ADAM29: variants seen among roughly 807,000 people sequenced by gnomAD.
The protein encoded by ADAM29 is disintegrin and metalloproteinase domain-containing protein 29.
For missense variants in ADAM29, 969 were observed against 1,001.8 expected, an observed-to-expected ratio of 0.97 and a Z score of 0.44; for synonymous variants, 367 against 342.3, an observed-to-expected ratio of 1.07 and a Z score of -0.80.
At chr4:174,926,721 CAAAA>C (rs34308315) in intron 2 of ADAM29, among the ~76,000 whole-genome samples, 3 of 107,602 alleles carry the variant, frequency 2.8e-5, no homozygotes, top group African/African-American at 3.1e-5. Flanking sequence ...AGACCATGTC[CAAAA>C]AAAAAAAAAA....
Position 174,978,115 on chromosome 4 carries a change from A to T in ADAM29, c.*127A>T. The T allele has an allele frequency of 6.9e-7, 1 of 1,458,916 alleles. No individual in the cohort carries two copies. Among genetic ancestry groups the T allele is most frequent in the Admixed American group, 2.1e-5 (1 of 47,240 alleles). The allele number at this position is 1,458,916 out of a possible 1,614,324, so 90.4% of individuals were successfully genotyped here. A position where few individuals can be genotyped will look rare whatever the true frequency, so the allele number is the denominator to read the frequency against. The stretch of plus-strand genomic sequence containing the variant: ...TTACCGGAGTAAAAGTGGTAAACAA[A>T]AGCAATCAGTACCAATTCCAAAAAC... On this transcript the variant is annotated 3_prime_UTR_variant, in exon 5 of 5. Coordinates refer to ENST00000359240, the MANE Select transcript of ADAM29 (RefSeq NM_014269.4).
chr4:174,963,497 A>T (rs1256917989), intron 4 of ADAM29, among the ~76,000 whole-genome samples: 1 of 152,220 alleles, frequency 6.6e-6, no homozygotes, highest in Non-Finnish European at 1.5e-5. Flanking sequence ...CCTTAGCAAA[A>T]AAAAGAATGA....
At chr4:174,934,732 G>A (rs1245137247) in intron 3 of ADAM29, among the ~76,000 whole-genome samples, 5 of 152,148 alleles carry the variant, frequency 3.3e-5, no homozygotes, top group East Asian at 1.9e-4. Context: ...GCTGATGCAC[G>A]GATGGAATTG....
chr4:174,954,842 C>T lies in ADAM29; in HGVS notation c.-181+17829C>T, dbSNP rs1745406696. Among the ~76,000 whole-genome samples, 3 of 152,036 alleles carry T rather than the reference C, an allele frequency of 2.0e-5. No homozygotes were observed. The South Asian group carries it at 6.2e-4, about 31-fold the overall frequency. On this transcript the variant is annotated intron_variant, in intron 4 of 4. Transcript: ENST00000359240. ...GCTTGGATTAAATGTAATCATTTTGCTCCTATGTCTGTTTATTTTTAAATG... is the reference window on the plus strand; with the variant it reads ...GCTTGGATTAAATGTAATCATTTTGTTCCTATGTCTGTTTATTTTTAAATG...
chr4:174,969,111 C>A (rs1012358088), intron 4 of ADAM29, among the ~76,000 whole-genome samples: 1 of 151,666 alleles, frequency 6.6e-6, no homozygotes, highest in African/African-American at 2.4e-5. Context: ...TCTTATTTTC[C>A]AGTATTGGAA....
chr4:174,970,847 A>G (rs1477537629), intron 4 of ADAM29, among the ~76,000 whole-genome samples: 1 of 151,942 alleles, frequency 6.6e-6, no homozygotes, highest in Non-Finnish European at 1.5e-5. Context: ...TTCATTTCTG[A>G]TATTGAGTCT....
At chr4:174,933,170 T>C (rs1190515320) in intron 3 of ADAM29, among the ~76,000 whole-genome samples, 2 of 152,096 alleles carry the variant, frequency 1.3e-5, no homozygotes, top group African/African-American at 2.4e-5. Flanking sequence ...AACAAAAAGC[T>C]CTCTGCCTGA....
At chr4:174,965,533 C>A (rs913518512) in intron 4 of ADAM29, among the ~76,000 whole-genome samples, 1 of 150,438 alleles carries the variant, frequency 6.6e-6, no homozygotes, top group African/African-American at 2.5e-5. Context: ...CATCTATCAT[C>A]TATTTACTTA....
At chr4:174,963,741 G>A (rs1219079044) in intron 4 of ADAM29, among the ~76,000 whole-genome samples, 2 of 152,090 alleles carry the variant, frequency 1.3e-5, no homozygotes, top group African/African-American at 2.4e-5. Context: ...GGAGTGCAGT[G>A]GCACGATCTC....
chr4:174,976,474 A>C lies in ADAM29; in HGVS notation c.949A>C (p.Thr317Pro), dbSNP rs1746806286. ...CTPHRSCAIV[T>P]FMNKTLGTFS... Reference sequence around the variant, plus strand: ...ACCACACCGTAGTTGTGCAATTGTTACTTTCATGAACAAAACTTTGGGCAC... The same window carrying C: ...ACCACACCGTAGTTGTGCAATTGTTCCTTTCATGAACAAAACTTTGGGCAC... Residue 317 changes from threonine (T) to proline (P), a missense_variant, in exon 5 of 5, where the codon ACT (threonine) becomes CCT (proline). Physicochemically the swap from Thr to Pro is conservative, Grantham distance 38. Coordinates refer to ENST00000359240, the MANE Select transcript of ADAM29 (RefSeq NM_014269.4). 1 of 1,611,324 alleles carries C rather than the reference A, an allele frequency of 6.2e-7. No homozygotes were observed. Among genetic ancestry groups the C allele is most frequent in the Non-Finnish European group, 8.5e-7 (1 of 1,178,686 alleles).
intron 4 of ADAM29, among the ~76,000 whole-genome samples, chr4:174,937,664 C>T (rs1168849993): frequency 6.6e-6 from 1 of 151,938 alleles, no homozygotes; most frequent in Admixed American, 6.6e-5. Flanking sequence ...TTTACGTACC[C>T]TATTCGCCTG....
intron 4 of ADAM29, among the ~76,000 whole-genome samples, chr4:174,949,199 C>A (rs1745024127): frequency 2.6e-5 from 4 of 152,176 alleles, no homozygotes; most frequent in Admixed American, 2.6e-4. Flanking sequence ...CTCAGTCATG[C>A]CCTCATCCCA....
intron 4 of ADAM29, among the ~76,000 whole-genome samples, chr4:174,949,193 G>A (rs1386643259): frequency 6.6e-6 from 1 of 152,090 alleles, no homozygotes; most frequent in Non-Finnish European, 1.5e-5. Context: ...GGGGCACTCA[G>A]TCATGCCCTC....
At chr4:174,962,409 G>C (rs567090606) in intron 4 of ADAM29, among the ~76,000 whole-genome samples, 1 of 152,076 alleles carries the variant, frequency 6.6e-6, no homozygotes, top group East Asian at 1.9e-4. Flanking sequence ...CTACTCGGGA[G>C]GCTGAGGCAG....
intron 4 of ADAM29, among the ~76,000 whole-genome samples, chr4:174,974,170 T>C (rs1746621816): frequency 6.6e-6 from 1 of 152,236 alleles, no homozygotes; most frequent in African/African-American, 2.4e-5. Context: ...ACATGTGTCC[T>C]GACTCCCTGA....
intron 4 of ADAM29, among the ~76,000 whole-genome samples, chr4:174,948,253 A>G (rs143749158): frequency 6.6e-6 from 1 of 152,336 alleles, no homozygotes; most frequent in East Asian, 1.9e-4. Flanking sequence ...TTGAGTTGAC[A>G]GAGTTCTCAT....
intron 4 of ADAM29, among the ~76,000 whole-genome samples, chr4:174,946,125 A>C (rs1460161734): frequency 6.6e-6 from 1 of 152,170 alleles, no homozygotes; most frequent in African/African-American, 2.4e-5. Context: ...CTCCATGAGC[A>C]CAGAAAGTTT....
intron 4 of ADAM29, among the ~76,000 whole-genome samples, chr4:174,969,802 C>G (rs559374838): frequency 1.1e-3 from 161 of 151,438 alleles, no homozygotes; most frequent in Non-Finnish European, 1.9e-3. Flanking sequence ...ATTTATTTAC[C>G]CAAAGTTGAG....
At chr4:174,951,426 G>A (rs1164926233) in intron 4 of ADAM29, among the ~76,000 whole-genome samples, 3 of 152,052 alleles carry the variant, frequency 2.0e-5, no homozygotes, top group East Asian at 3.9e-4. Flanking sequence ...TATTTAACTA[G>A]GAAATTCCTA....
Sources: gnomAD v4.1 joint callset for allele counts (sites outside exome capture counted in the v4.1 genomes callset) on GRCh38, gnomAD v4.1.1 for gene constraint, MANE v1.5 for transcripts, NCBI Gene and HGNC (gene_info 2026-07-23, HGNC 2026-07-21) for gene names.